The following C3orf20 variants were observed in gnomAD, a reference collection of about 807,000 sequenced individuals.
C3orf20 encodes family with sequence similarity 149 member C.
In C3orf20, 76 loss-of-function variants were observed where a neutral mutation model predicts 88.3. The observed-to-expected ratio is 0.86, with a 90% CI of 0.72 to 1.04. The LOEUF (loss-of-function observed/expected upper bound fraction) is 1.04, where lower values mean the gene tolerates loss of function less well. Ranked by LOEUF, C3orf20 falls within the 50% of genes least tolerant of loss-of-function variation. C3orf20 has a pLI of 0.00. For missense variants in C3orf20, 1,056 were observed against 1,123.3 expected (o/e 0.94, Z 0.86); for synonymous variants, 436 against 437.4 (o/e 1.00, Z 0.04).
chr3:14,742,050 C>T (rs970914102), intron 12 of C3orf20, among the ~76,000 whole-genome samples: 1 of 152,200 alleles, frequency 6.6e-6, no homozygotes, highest in Non-Finnish European at 1.5e-5. Context: ...GGTCTGGTGT[C>T]TGACTTATGC....
At position 14,728,121 on chromosome 3, in the gene C3orf20, G is replaced by A. The variant is rs75444840; in HGVS notation, c.1691-318G>A. On this transcript the variant is annotated intron_variant, in intron 11 of 16. Coordinates refer to ENST00000253697, the MANE Select transcript of C3orf20 (RefSeq NM_032137.5). ...GGAAGGAATAGCATGGGCCAGGAAT[G>A]CATTGTGTAGCTAGCCTCTACATTT... Among the ~76,000 whole-genome samples the A allele has an allele frequency of 1.2e-3, 180 of 152,370 alleles. 1 individual carries two copies. The highest frequency in any genetic ancestry group is 3.9e-3 in the African/African-American group (163 of 41,596).
intron 14 of C3orf20, among the ~76,000 whole-genome samples, chr3:14,760,771 G>C (rs966586051): frequency 3.3e-5 from 5 of 151,628 alleles, no homozygotes; most frequent in Non-Finnish European, 7.4e-5. Flanking sequence ...CATCATGCCC[G>C]GCTAATTTTT....
chr3:14,761,273 G>A (rs1191822495), intron 14 of C3orf20, among the ~76,000 whole-genome samples, 200 bp from the exon 15 acceptor site: 1 of 149,726 alleles, frequency 6.7e-6, no homozygotes, highest in African/African-American at 2.4e-5. Flanking sequence ...CCTGGGCAGG[G>A]GCTGGACTCA....
rs767924113 is a variant in C3orf20, at chr3:14,772,142, C to T, written c.2571C>T (p.Ser857=). Residue 857 remains serine (S), a synonymous_variant, in exon 16 of 17, where the codon AGC becomes AGT. Transcript: ENST00000253697. This position sits in a 1 kb window ranked among gnomAD's most constrained non-coding sequence, Gnocchi z 4.2. ...CCGAGTCAGAAGATATCCAAGGAAG[C>T]AGCTCCTCATTGGCCCTGGAAGACT... ...KKAESEDIQG[S]SSSLALEDYV... 6.2e-7 allele frequency: 1 copy of T among 1,614,230 alleles called. No homozygotes were observed. Among genetic ancestry groups the T allele is most frequent in the Admixed American group, 1.7e-5 (1 of 60,034 alleles).
chr3:14,721,975 G>A, intron 10 of C3orf20, 191 bp downstream of exon 10: 1 of 632,682 alleles, frequency 1.6e-6, no homozygotes, highest in Non-Finnish European at 2.7e-6. Context: ...ATCAATTAAG[G>A]GTCTTCCAGT....
intron 15 of C3orf20, among the ~76,000 whole-genome samples, chr3:14,764,189 A>G (rs2035637199): frequency 6.6e-6 from 1 of 151,998 alleles, no homozygotes; most frequent in Non-Finnish European, 1.5e-5. Flanking sequence ...CATATACACA[A>G]ACCAGACACA....
rs2034370164 is a variant in C3orf20 at position 14,726,921 on chromosome 3, C to T, written c.1587C>T (p.Asn529=). Residue 529 remains asparagine, a synonymous_variant, in exon 11 of 17, where the codon AAC becomes AAT. Coordinates refer to ENST00000253697, the MANE Select transcript of C3orf20 (RefSeq NM_032137.5). Reference sequence around the variant, plus strand: ...TCCAGCTGAACCGCAGAATCAGCAACATGGACGACAAGGTGTATAAGATGA... The same window carrying T: ...TCCAGCTGAACCGCAGAATCAGCAATATGGACGACAAGGTGTATAAGATGA... The part of the protein sequence containing the change: ...YDKRLNRRIS[N]MDDKVYKMSR... 6 of 1,614,126 alleles carry T rather than the reference C, an allele frequency of 3.7e-6. No homozygotes were observed. The highest frequency in any genetic ancestry group is 5.1e-6 in the Non-Finnish European group (6 of 1,180,022).
In C3orf20 at chr3:14,772,235, G is replaced by T. The variant is rs993297077; in HGVS notation, c.2630+34G>T. 1.8e-5 allele frequency: 29 copies of T among 1,613,860 alleles called. No homozygotes were observed. Among genetic ancestry groups the T allele is most frequent in the Non-Finnish European group, 2.5e-5 (29 of 1,179,900 alleles). Reference sequence around the variant, plus strand: ...CCACATCAGCTGCCAGAATGGGCGTGGCTCACAGCAGGCCACCTCGGGGCT... The same window carrying T: ...CCACATCAGCTGCCAGAATGGGCGTTGCTCACAGCAGGCCACCTCGGGGCT... On this transcript the variant is annotated intron_variant, in intron 16 of 16. Transcript: ENST00000253697. The surrounding 1 kb of genome is among the most constrained non-coding windows in gnomAD (Gnocchi z 4.2).
At chr3:14,728,377 GA>G in intron 11 of C3orf20, 61 bp from the exon 12 acceptor site, 1 of 1,600,912 alleles carries the variant, frequency 6.2e-7, no homozygotes. Context: ...TCCAGTCTGG[GA>G]CCAGGGGCAG....
chr3:14,700,873 A>G (rs1414819855), intron 5 of C3orf20, among the ~76,000 whole-genome samples: 1 of 152,206 alleles, frequency 6.6e-6, no homozygotes, highest in Non-Finnish European at 1.5e-5. Context: ...TTCCATGTCC[A>G]CATGCTATTC....
At position 14,772,405 on chromosome 3, in the gene C3orf20, A is replaced by C. The variant is rs1228155502; in HGVS notation, c.2630+204A>C. On this transcript the variant is annotated intron_variant, in intron 16 of 16. Coordinates refer to ENST00000253697, the MANE Select transcript of C3orf20 (RefSeq NM_032137.5). This position sits in a 1 kb window ranked among gnomAD's most constrained non-coding sequence, Gnocchi z 4.2. ...GCTCGCAGTGGTCTGGGTGGTAGAG[A>C]TGGAGGCCTTTTGTAGACTTTGCAG... Among the ~76,000 whole-genome samples, 1 of 152,146 alleles carries C rather than the reference A, an allele frequency of 6.6e-6. No homozygotes were observed. Among genetic ancestry groups the C allele is most frequent in the Non-Finnish European group, 1.5e-5 (1 of 68,016 alleles).
At chr3:14,730,407 T>C (rs1258187560) in intron 12 of C3orf20, among the ~76,000 whole-genome samples, 1 of 151,520 alleles carries the variant, frequency 6.6e-6, no homozygotes, top group Non-Finnish European at 1.5e-5. Context: ...ATTAGCCGGG[T>C]GTGGTGGTGG....
intron 14 of C3orf20, among the ~76,000 whole-genome samples, chr3:14,760,510 ATTC>A (rs1264701616): frequency 6.6e-6 from 1 of 151,584 alleles, no homozygotes; most frequent in East Asian, 1.9e-4. Context: ...ATTCTTTGCA[ATTC>A]TTCTTTTTAA....
chr3:14,687,096 A>T (rs1325226843), intron 4 of C3orf20, among the ~76,000 whole-genome samples: 1 of 152,230 alleles, frequency 6.6e-6, no homozygotes, highest in Non-Finnish European at 1.5e-5. Context: ...CGAATACAGG[A>T]TCATGACTCC....
chr3:14,717,318 T>TG (rs1485885071), intron 9 of C3orf20, among the ~76,000 whole-genome samples: 1 of 152,136 alleles, frequency 6.6e-6, no homozygotes, highest in Non-Finnish European at 1.5e-5. Flanking sequence ...TGGAGCTGCA[T>TG]GCAGAAGAGC....
chr3:14,686,584 A>G (rs1007022706), intron 4 of C3orf20, among the ~76,000 whole-genome samples: 2 of 152,182 alleles, frequency 1.3e-5, no homozygotes. Flanking sequence ...TCTGATGATT[A>G]CTGACATTGA....
chr3:14,720,519 G>A (rs1210957183), intron 9 of C3orf20, among the ~76,000 whole-genome samples: 1 of 151,174 alleles, frequency 6.6e-6, no homozygotes, highest in Admixed American at 6.6e-5. Context: ...AATGGAAGGA[G>A]CAAAGCAGAG....
intron 9 of C3orf20, 113 bp downstream of exon 9, chr3:14,715,522 A>G (rs1430191852): frequency 1.2e-5 from 16 of 1,343,784 alleles, no homozygotes; most frequent in Non-Finnish European, 1.6e-5. Context: ...CCCGTAAGAC[A>G]GGAAGCCTGC....
chr3:14,684,216 C>A (rs374853376), intron 3 of C3orf20, 26 bp from the exon 4 acceptor site: 6 of 1,612,284 alleles, frequency 3.7e-6, no homozygotes, highest in East Asian at 2.2e-5. Context: ...AGGAGGGACA[C>A]GTGTTGCTTT....
Sources: allele counts gnomAD v4.1 joint callset (sites outside exome capture counted in the v4.1 genomes callset), GRCh38; gene constraint gnomAD v4.1.1; non-coding constraint Gnocchi (gnomAD v3.1); transcripts MANE v1.5; gene names NCBI Gene and HGNC (gene_info 2026-07-23, HGNC 2026-07-21).